ASPHD1: variants seen among roughly 807,000 people sequenced by gnomAD.
The protein encoded by ASPHD1 is aspartate beta-hydroxylase domain containing 1.
Under a neutral mutation model 28.3 loss-of-function variants are expected in ASPHD1, and 20 were observed. The observed-to-expected ratio is 0.71, with a 90% CI of 0.50 to 1.03. The LOEUF (loss-of-function observed/expected upper bound fraction) is 1.03, where lower values mean the gene tolerates loss of function less well. Ranked by LOEUF, ASPHD1 falls within the 50% of genes least tolerant of loss-of-function variation. The probability of loss-of-function intolerance (pLI) is 0.00; values close to 1 mark genes in which losing one functional copy is unlikely to be tolerated. For synonymous variants in ASPHD1, 240 were observed against 221.2 expected (o/e 1.08, Z -0.75); for missense variants, 479 against 524.1 (o/e 0.91, Z 0.84).
At chr16:29,903,285 G>A (rs1332605833) in intron 1 of ASPHD1, among the ~76,000 whole-genome samples, 2 of 151,974 alleles carry the variant, frequency 1.3e-5, no homozygotes, top group Non-Finnish European at 2.9e-5. Context: ...GAACTCGGGA[G>A]GCGGAGGTTG....
Position 29,901,845 on chromosome 16 carries a change from T to C in ASPHD1, c.874T>C (p.Phe292Leu). 1 of 1,543,918 alleles carries C rather than the reference T, an allele frequency of 6.5e-7. No homozygotes were observed. Among genetic ancestry groups the C allele is most frequent in the Non-Finnish European group, 8.7e-7 (1 of 1,145,970 alleles). ...TGCCAACACCTTCGGCAATGCCGGC[T>C]TTTCCGTTCTCCTGCCTGGGGCCCG... ...MSANTFGNAG[F>L]SVLLPGARLE... Residue 292 changes from phenylalanine to leucine, a missense_variant, in exon 1 of 3, where the codon TTT becomes CTT. Transcript: ENST00000308748. This position sits in a 1 kb window ranked among gnomAD's most constrained non-coding sequence, Gnocchi z 5.1.
At chr16:29,916,315 C>T (rs967387103) in intron 3 of ASPHD1, among the ~76,000 whole-genome samples, 2 of 152,114 alleles carry the variant, frequency 1.3e-5, no homozygotes, top group African/African-American at 4.8e-5. Context: ...TCTCGAACTC[C>T]TGAACTCAAG....
chr16:29,905,729 C>T (rs896510634), intron 2 of ASPHD1, 59 bp from the exon 3 acceptor site: 1 of 1,157,818 alleles, frequency 8.6e-7, no homozygotes, highest in Non-Finnish European at 1.3e-6. Context: ...TTGGTGAGTG[C>T]TCTGGTGTGC....
At chr16:29,911,477 C>T (rs2068708200) in intron 3 of ASPHD1, 1 of 562,018 alleles carries the variant, frequency 1.8e-6, no homozygotes, top group African/African-American at 1.9e-5. Context: ...AGTTACTTCA[C>T]CTCTTGGTGT....
downstream of ASPHD1, chr16:29,910,828 G>C: frequency 1.5e-6 from 1 of 647,384 alleles, no homozygotes; most frequent in Non-Finnish European, 2.7e-6. Flanking sequence ...ACAGGGATAG[G>C]GTGGCTTGCC....
intron 2 of ASPHD1, 86 bp downstream of exon 2, chr16:29,905,051 G>A (rs926447275): frequency 6.2e-6 from 6 of 966,360 alleles, no homozygotes; most frequent in African/African-American, 3.3e-5. Context: ...CAGGCCCAAC[G>A]GACTTCCTGT....
intron 3 of ASPHD1, among the ~76,000 whole-genome samples, chr16:29,918,441 G>A (rs572595036): frequency 2.0e-4 from 30 of 152,202 alleles, no homozygotes; most frequent in Non-Finnish European, 3.2e-4. Context: ...TAAACAAAAT[G>A]TTTAATATCA....
Position 29,901,957 on chromosome 16 carries a change from C to T in ASPHD1, c.949+37C>T, listed in dbSNP as rs753532071. On this transcript the variant is annotated intron_variant, in intron 1 of 2. Coordinates refer to ENST00000308748, the MANE Select transcript of ASPHD1 (RefSeq NM_181718.4). This position sits in a 1 kb window ranked among gnomAD's most constrained non-coding sequence, Gnocchi z 5.1. ...CCGCCTACTGACAACCTCCTTGCCT[C>T]GATGATTTCCCCCCCAGACCCTTCT... 7.1e-7 allele frequency: 1 copy of T among 1,414,316 alleles called. No individual in the cohort carries two copies. The highest frequency in any genetic ancestry group is 1.5e-5 in the South Asian group (1 of 65,170). 87.6% of individuals were successfully genotyped at this position (1,414,316 alleles called of 1,614,324 possible).
chr16:29,902,130 C>T (rs1202252874), intron 1 of ASPHD1, among the ~76,000 whole-genome samples: 2 of 152,144 alleles, frequency 1.3e-5, no homozygotes, highest in African/African-American at 4.8e-5. Flanking sequence ...ATCTGTACTG[C>T]GTTTCTTCAC....
At chr16:29,908,978 C>G (rs904215026), downstream of ASPHD1, among the ~76,000 whole-genome samples, 6 of 152,050 alleles carry the variant, frequency 3.9e-5, no homozygotes, top group African/African-American at 1.5e-4. Context: ...CAGGTGTGAG[C>G]CATGCACTCT....
downstream of ASPHD1, chr16:29,907,252 T>C: frequency 1.7e-6 from 1 of 601,602 alleles, no homozygotes. Context: ...GCCACTCCTT[T>C]ACTCAGCAAA....
At chr16:29,914,969 C>CT in intron 3 of ASPHD1, 1 of 150,498 alleles carries the variant, frequency 6.6e-6, no homozygotes. Flanking sequence ...TAGCAAGACT[C>CT]TGTCTCAAAA....
intron 2 of ASPHD1, 123 bp downstream of exon 2, chr16:29,905,088 T>C (rs2068589922): frequency 8.7e-6 from 6 of 686,040 alleles, no homozygotes; most frequent in South Asian, 6.8e-5. Flanking sequence ...TCCAGCTGCA[T>C]GACCTTGAAC....
downstream of ASPHD1, chr16:29,919,851 C>T (rs1437194343): frequency 6.6e-6 from 1 of 152,246 alleles, no homozygotes; most frequent in African/African-American, 2.4e-5. Context: ...TTAATAAATA[C>T]TGCTTTAAAA....
chr16:29,911,002 A>G (rs1172168481), downstream of ASPHD1: 2 of 1,613,964 alleles, frequency 1.2e-6, no homozygotes, highest in East Asian at 2.2e-5. Context: ...TCTCCGTAGC[A>G]TAGACAATGG....
intron 1 of ASPHD1, among the ~76,000 whole-genome samples, chr16:29,904,323 GTAATCCTAGCTAC>G (rs2068580257): frequency 1.3e-5 from 2 of 151,818 alleles, no homozygotes; most frequent in Admixed American, 1.3e-4. Context: ...GCAGGCAGCT[GTAATCCTAGCTAC>G]TCGGGAGGCT....
chr16:29,915,344 A>C (rs2068790791), intron 3 of ASPHD1: 1 of 152,350 alleles, frequency 6.6e-6, no homozygotes, highest in East Asian at 1.9e-4. Context: ...ATTAGAAAAA[A>C]GCCACACCTA....
chr16:29,906,115 T>C (rs2068608120), downstream of ASPHD1: 1 of 395,818 alleles, frequency 2.5e-6, no homozygotes, highest in Non-Finnish European at 4.5e-6. Flanking sequence ...CTTCTCCTAG[T>C]ACAACCAAAC....
chr16:29,916,494 G>A (rs952863888), intron 3 of ASPHD1, among the ~76,000 whole-genome samples: 5 of 152,188 alleles, frequency 3.3e-5, no homozygotes, highest in African/African-American at 1.2e-4. Flanking sequence ...TGAGGTTTCT[G>A]TTATGGCAGA....
Sources: gnomAD v4.1 joint callset for allele counts (sites outside exome capture counted in the v4.1 genomes callset) on GRCh38, gnomAD v4.1.1 for gene constraint, Gnocchi (gnomAD v3.1) non-coding constraint, MANE v1.5 for transcripts, NCBI Gene and HGNC (gene_info 2026-07-23, HGNC 2026-07-21) for gene names.